KXD1: variants seen among roughly 807,000 people sequenced by gnomAD.
KXD1 encodes kxDL motif-containing protein 1.
A neutral mutation model predicts 12.1 loss-of-function variants in KXD1; 5 were observed. The observed-to-expected ratio is 0.41, with a 90% CI of 0.22 to 0.87. KXD1 has a LOEUF of 0.87. KXD1 is among the 40% of genes least tolerant of loss of function. The pLI is 0.31. For missense variants in KXD1, 193 were observed against 244.9 expected (o/e 0.79, Z 1.41); for synonymous variants, 98 against 100.5 (o/e 0.98, Z 0.15).
At chr19:18,565,530 C>A (rs35867875) in intron 3 of KXD1, among the ~76,000 whole-genome samples, 74,088 of 151,030 alleles carry the variant, frequency 0.49, 19,454 homozygotes, top group East Asian at 0.66. Context: ...CTGCGCCCGG[C>A]CGAGACAGAG....
At chr19:18,564,260 A>T (rs1975085470) in intron 2 of KXD1, among the ~76,000 whole-genome samples, 1 of 152,074 alleles carries the variant, frequency 6.6e-6, no homozygotes, top group South Asian at 2.1e-4. Context: ...AAAGCCAGAC[A>T]CAGACCCTCC....
Position 18,568,754 on chromosome 19 carries a change from T to G in KXD1, c.*123T>G. On this transcript the variant is annotated 3_prime_UTR_variant, in exon 5 of 5. Transcript: ENST00000222307. The stretch of plus-strand genomic sequence containing the variant: ...GCCCCGTTCTGTCACCCAGGGCTCC[T>G]AGGGGGACAAGGCTCTCTCCCGAGG... 4 of 706,400 alleles carry G rather than the reference T, an allele frequency of 5.7e-6. No homozygotes were observed. Among genetic ancestry groups the G allele is most frequent in the Non-Finnish European group, 9.4e-6 (4 of 425,874 alleles). 43.8% of individuals were successfully genotyped at this position (706,400 alleles called of 1,614,324 possible).
chr19:18,568,389 C>A lies in KXD1; in HGVS notation c.302-13C>A, dbSNP rs986020428. 1 of 1,604,716 alleles carries A rather than the reference C, an allele frequency of 6.2e-7. No homozygotes were observed. Among genetic ancestry groups the A allele is most frequent in the Non-Finnish European group, 8.5e-7 (1 of 1,172,250 alleles). ...AAGGTGACAAAACCAACTCTTGGGC[C>A]TCCTTCCCCCAGATATCCCAGAGGC... On this transcript the variant is annotated splice_polypyrimidine_tract_variant and intron_variant, in intron 4 of 4. Transcript: ENST00000222307.
intron 2 of KXD1, among the ~76,000 whole-genome samples, chr19:18,562,561 A>G (rs1974972543): frequency 6.6e-6 from 1 of 152,210 alleles, no homozygotes; most frequent in Non-Finnish European, 1.5e-5. Flanking sequence ...CCCGAGTTCA[A>G]GCGATTTCTC....
At chr19:18,563,115 C>G (rs1320409912) in intron 2 of KXD1, among the ~76,000 whole-genome samples, 2 of 146,194 alleles carry the variant, frequency 1.4e-5, no homozygotes, top group African/African-American at 2.8e-5. Flanking sequence ...TTATGTGTGG[C>G]CCAAGACAAT....
chr19:18,566,540 C>G (rs922982830), intron 3 of KXD1, among the ~76,000 whole-genome samples: 1 of 152,052 alleles, frequency 6.6e-6, no homozygotes, highest in Non-Finnish European at 1.5e-5. Flanking sequence ...CCTGTAATCC[C>G]AGCAGTTAGG....
intron 4 of KXD1, chr19:18,567,449 A>G (rs185888929): frequency 3.0e-5 from 21 of 699,756 alleles, no homozygotes; most frequent in Non-Finnish European, 4.7e-5. Flanking sequence ...CCCTGTGTGC[A>G]TTATGAGCCA....
At chr19:18,560,664 T>C (rs1974887385) in intron 1 of KXD1, 1 of 151,986 alleles carries the variant, frequency 6.6e-6, no homozygotes, top group Non-Finnish European at 1.5e-5. Context: ...CCCCTTGCTA[T>C]GAGCCAGACT....
At chr19:18,567,072 C>T in intron 3 of KXD1, 60 bp from the exon 4 acceptor site, 1 of 1,546,038 alleles carries the variant, frequency 6.5e-7, no homozygotes, top group East Asian at 2.3e-5. Flanking sequence ...TTGTGGCCAG[C>T]ACCAGGCCCA....
At chr19:18,567,953 T>A (rs1371883923) in intron 4 of KXD1, among the ~76,000 whole-genome samples, 2 of 152,046 alleles carry the variant, frequency 1.3e-5, no homozygotes, top group East Asian at 3.9e-4. Context: ...GGGCCTCAGT[T>A]TTCTCCTCTA....
Position 18,569,347 on chromosome 19 carries a change from A to T in KXD1, c.*716A>T, listed in dbSNP as rs1975407077. The T allele has an allele frequency of 1.3e-5, 2 of 152,640 alleles. No homozygotes were observed. The highest frequency in any genetic ancestry group is 2.1e-4 in the South Asian group (1 of 4,832). 9.5% of individuals were successfully genotyped at this position (152,640 alleles called of 1,614,324 possible). Reference sequence around the variant, plus strand: ...TTACAGATGCTGTTGGGAAGTTATCAATAAAAAGACACCATTACTAAAAAG... The same window carrying T: ...TTACAGATGCTGTTGGGAAGTTATCTATAAAAAGACACCATTACTAAAAAG... On this transcript the variant is annotated 3_prime_UTR_variant, in exon 5 of 5. Coordinates refer to ENST00000222307, the MANE Select transcript of KXD1 (RefSeq NM_024069.4).
Position 18,567,137 on chromosome 19 carries a change from T to C in KXD1, c.260T>C (p.Leu87Pro), listed in dbSNP as rs1439874378. The C allele has an allele frequency of 6.2e-7, 1 of 1,614,016 alleles. No homozygotes were observed. The highest frequency in any genetic ancestry group is 1.1e-5 in the South Asian group (1 of 91,068). Residue 87 changes from leucine (L) to proline (P), a missense_variant, in exon 4 of 5, where the codon CTG becomes CCG. Physicochemically the swap from Leu to Pro is moderately conservative, Grantham distance 98. Transcript: ENST00000222307. ...GTGCCTTCTCTCCCCTGCAGGACGCTGAAAGGGAAACTGGCCAGGCAGCAC... is the reference window on the plus strand; with the variant it reads ...GTGCCTTCTCTCCCCTGCAGGACGCCGAAAGGGAAACTGGCCAGGCAGCAC... ...LDSIFRRIRTLKGKLARQHPE... is the reference protein window; with the variant it reads ...LDSIFRRIRTPKGKLARQHPE...
intron 2 of KXD1, among the ~76,000 whole-genome samples, chr19:18,563,484 T>C (rs965463128): frequency 5.9e-5 from 9 of 152,060 alleles, no homozygotes; most frequent in African/African-American, 2.2e-4. Context: ...TCGCTGGGAT[T>C]ATAGGCATGC....
chr19:18,560,770 AG>A (rs1433306032), intron 1 of KXD1, among the ~76,000 whole-genome samples: 1 of 151,528 alleles, frequency 6.6e-6, no homozygotes, highest in Non-Finnish European at 1.5e-5. Context: ...GCAGTGGCAC[AG>A]TCTTGGCTCA....
At position 18,568,901 on chromosome 19, in the gene KXD1, G is replaced by A. The variant is rs745531175; in HGVS notation, c.*270G>A. ...ATTCCAGCTGGAGTCGTGGGGCTGG[G>A]CACAGGGGAATTTTTCCAGAGCTGA... On this transcript the variant is annotated 3_prime_UTR_variant, in exon 5 of 5. Transcript: ENST00000222307. 25 of 487,514 alleles carry A rather than the reference G, an allele frequency of 5.1e-5. No individual in the cohort carries two copies. The highest frequency in any genetic ancestry group is 9.2e-5 in the Non-Finnish European group (25 of 270,738). The allele number at this position is 487,514 out of a possible 1,614,324, so 30.2% of individuals were successfully genotyped here.
Position 18,568,521 on chromosome 19 carries a change from G to A in KXD1, c.421G>A (p.Val141Ile), listed in dbSNP as rs149135680. Residue 141 changes from valine to isoleucine, a missense_variant, in exon 5 of 5, where the codon GTC (valine) becomes ATC (isoleucine). Transcript: ENST00000222307. ...TGSCDTSPDT[V>I]SPSLSPGFED... ...CTCATGTGACACCAGCCCCGACACCGTCTCGCCCTCCCTGAGCCCCGGCTT... is the reference window on the plus strand; with the variant it reads ...CTCATGTGACACCAGCCCCGACACCATCTCGCCCTCCCTGAGCCCCGGCTT... 9.3e-6 allele frequency: 15 copies of A among 1,614,054 alleles called. No homozygotes were observed. The highest frequency in any genetic ancestry group is 8.9e-5 in the East Asian group (4 of 44,870).
intron 2 of KXD1, among the ~76,000 whole-genome samples, chr19:18,563,133 C>G (rs1041733903): frequency 6.6e-6 from 1 of 150,896 alleles, no homozygotes. Context: ...AATTCTTCTT[C>G]CAATGTGGCC....
rs371729794 is a variant in KXD1, at chr19:18,565,479, G to A, written c.254+458G>A. ...GATCTCCTGACCTCGTGATCCAGCCGCCTTGGCCTCCCAAAGTGCTGGGAT... is the reference window on the plus strand; with the variant it reads ...GATCTCCTGACCTCGTGATCCAGCCACCTTGGCCTCCCAAAGTGCTGGGAT... On this transcript the variant is annotated intron_variant, in intron 3 of 4. Transcript: ENST00000222307. Among the ~76,000 whole-genome samples the A allele has an allele frequency of 2.8e-3, 429 of 152,158 alleles. 1 individual carries two copies. The highest frequency in any genetic ancestry group is 9.5e-3 in the South Asian group (46 of 4,824).
In KXD1 at chr19:18,568,233, CT is replaced by C. The variant is rs1322456949; in HGVS notation, c.302-168del. Among the ~76,000 whole-genome samples the C allele has an allele frequency of 2.7e-5, 4 of 149,716 alleles. No homozygotes were observed. The East Asian group carries it at 7.8e-4, about 29-fold the overall frequency. On this transcript the variant is annotated intron_variant, in intron 4 of 4. Coordinates refer to ENST00000222307, the MANE Select transcript of KXD1 (RefSeq NM_024069.4). ...AGTGAGCCGAGATTATACCATTGCA[CT>C]CTAGCCTGGGCAAAGAGCGAAACTC...
Sources: allele counts gnomAD v4.1 joint callset (sites outside exome capture counted in the v4.1 genomes callset), GRCh38; gene constraint gnomAD v4.1.1; transcripts MANE v1.5; gene names NCBI Gene and HGNC (gene_info 2026-07-23, HGNC 2026-07-21).